TMEFF1: variants seen among roughly 807,000 people sequenced by gnomAD.
TMEFF1 encodes transmembrane protein with EGF like and two follistatin like domains 1.
Under a neutral mutation model 47.5 loss-of-function variants are expected in TMEFF1, and 20 were observed. The observed-to-expected ratio is 0.42, with a 90% CI of 0.30 to 0.61. The LOEUF (loss-of-function observed/expected upper bound fraction) is 0.61. TMEFF1 is among the 20% of genes least tolerant of loss of function. The probability of loss-of-function intolerance (pLI) is 0.19; values close to 1 mark genes in which losing one functional copy is unlikely to be tolerated. For synonymous variants in TMEFF1, 162 were observed against 166.3 expected, an observed-to-expected ratio of 0.97 and a Z score of 0.20; for missense variants, 411 against 471.1, an observed-to-expected ratio of 0.87 and a Z score of 1.18.
chr9:100,573,088 C>T (rs1008949663), intron 9 of TMEFF1, among the ~76,000 whole-genome samples: 1 of 151,562 alleles, frequency 6.6e-6, no homozygotes, highest in Non-Finnish European at 1.5e-5. Context: ...TCAAGTGGTC[C>T]TCCAGAGTAG....
chr9:100,493,078 C>G (rs951056843), intron 1 of TMEFF1, among the ~76,000 whole-genome samples: 7 of 151,908 alleles, frequency 4.6e-5, no homozygotes, highest in African/African-American at 1.7e-4. Context: ...CCCCCTTCCC[C>G]CCTCTCCCCC....
intron 8 of TMEFF1, among the ~76,000 whole-genome samples, chr9:100,569,558 TTTG>T (rs899566676): frequency 1.3e-5 from 2 of 152,148 alleles, no homozygotes; most frequent in Non-Finnish European, 2.9e-5. Context: ...ATTTATCTTT[TTTG>T]TTGTTGTTGT....
chr9:100,556,917 C>T (rs374843280), intron 7 of TMEFF1, among the ~76,000 whole-genome samples: 1 of 152,034 alleles, frequency 6.6e-6, no homozygotes, highest in East Asian at 1.9e-4. Context: ...GCGATCTCAG[C>T]TCACTGCAAC....
intron 9 of TMEFF1, 43 bp from the exon 10 acceptor site, chr9:100,576,473 A>G: frequency 1.2e-6 from 2 of 1,600,048 alleles, no homozygotes; most frequent in Non-Finnish European, 1.7e-6. Context: ...GAACAAAATC[A>G]TCAAAACAAT....
chr9:100,544,524 C>G (rs889850023), intron 5 of TMEFF1, among the ~76,000 whole-genome samples: 1 of 152,206 alleles, frequency 6.6e-6, no homozygotes, highest in Admixed American at 6.5e-5. Flanking sequence ...CCTCCCACGA[C>G]ACGTGGGAAT....
chr9:100,576,491 T>C (rs376423121), intron 9 of TMEFF1, 25 bp from the exon 10 acceptor site: 680 of 1,602,734 alleles, frequency 4.2e-4, no homozygotes, highest in Non-Finnish European at 5.5e-4. Context: ...AATATTTTTC[T>C]CTCTTTCTTT....
chr9:100,487,457 T>G (rs1403799448), intron 1 of TMEFF1, among the ~76,000 whole-genome samples: 1 of 152,176 alleles, frequency 6.6e-6, no homozygotes, highest in Non-Finnish European at 1.5e-5. Flanking sequence ...CTTAAGCCAC[T>G]GCGCCCAGCC....
chr9:100,576,784 T>C lies in TMEFF1; in HGVS notation c.*184T>C. The C allele has an allele frequency of 1.7e-6, 1 of 587,092 alleles. No individual in the cohort carries two copies. Among genetic ancestry groups the C allele is most frequent in the Non-Finnish European group, 2.7e-6 (1 of 376,324 alleles). 36.4% of individuals were successfully genotyped at this position (587,092 alleles called of 1,614,324 possible). A position where few individuals can be genotyped will look rare whatever the true frequency, so the allele number is the denominator to read the frequency against. On this transcript the variant is annotated 3_prime_UTR_variant, in exon 10 of 10. Coordinates refer to ENST00000374879, the MANE Select transcript of TMEFF1 (RefSeq NM_003692.5). Reference sequence around the variant, plus strand: ...TGTTTAGTAGTCTTTGTTTTATGTTTTTAAATACAGAAATTGCTTTCACAA... The same window carrying C: ...TGTTTAGTAGTCTTTGTTTTATGTTCTTAAATACAGAAATTGCTTTCACAA...
chr9:100,540,150 C>T (rs1838601787), intron 5 of TMEFF1, among the ~76,000 whole-genome samples: 1 of 152,110 alleles, frequency 6.6e-6, no homozygotes, highest in South Asian at 2.1e-4. Flanking sequence ...GGCACATTTA[C>T]AATCCTTTAG....
chr9:100,533,934 G>A (rs1838453556), intron 5 of TMEFF1, among the ~76,000 whole-genome samples: 1 of 152,074 alleles, frequency 6.6e-6, no homozygotes, highest in Non-Finnish European at 1.5e-5. Context: ...GGCCAGGATG[G>A]TCTTGATCTC....
chr9:100,474,890 C>A (rs2118214235), intron 1 of TMEFF1, among the ~76,000 whole-genome samples: 1 of 152,254 alleles, frequency 6.6e-6, no homozygotes, highest in Middle Eastern at 3.4e-3. Flanking sequence ...CTCTTCATTT[C>A]TAAAGGGGTC....
At chr9:100,511,503 A>G (rs567725680) in intron 3 of TMEFF1, among the ~76,000 whole-genome samples, 3 of 152,298 alleles carry the variant, frequency 2.0e-5, no homozygotes, top group Middle Eastern at 3.4e-3. Flanking sequence ...ATAAGCTGCT[A>G]TATTGATTTT....
At chr9:100,486,442 A>G (rs1341609627) in intron 1 of TMEFF1, among the ~76,000 whole-genome samples, 1 of 151,978 alleles carries the variant, frequency 6.6e-6, no homozygotes. Context: ...GGGTTTCACC[A>G]TATTGGCCAG....
intron 1 of TMEFF1, among the ~76,000 whole-genome samples, chr9:100,492,205 C>T (rs950238122): frequency 1.3e-5 from 2 of 152,162 alleles, no homozygotes; most frequent in African/African-American, 4.8e-5. Context: ...GAACAAACCA[C>T]TTGTATAATG....
At chr9:100,539,725 G>T (rs144074859) in intron 5 of TMEFF1, among the ~76,000 whole-genome samples, 1 of 152,168 alleles carries the variant, frequency 6.6e-6, no homozygotes, top group African/African-American at 2.4e-5. Flanking sequence ...GCGTGGAAGG[G>T]TACCTGAGCG....
intron 5 of TMEFF1, among the ~76,000 whole-genome samples, chr9:100,521,568 G>C (rs1448618404): frequency 1.3e-5 from 2 of 152,142 alleles, no homozygotes; most frequent in Admixed American, 1.3e-4. Flanking sequence ...TTTCTAAACA[G>C]TATTTCTAAT....
At chr9:100,526,584 T>G (rs941714860) in intron 5 of TMEFF1, among the ~76,000 whole-genome samples, 2 of 152,150 alleles carry the variant, frequency 1.3e-5, no homozygotes, top group Non-Finnish European at 1.5e-5. Flanking sequence ...CACTTTACTT[T>G]TATAAAGATT....
chr9:100,570,373 CT>C (rs905367811), intron 8 of TMEFF1, among the ~76,000 whole-genome samples: 10 of 151,992 alleles, frequency 6.6e-5, no homozygotes, highest in Non-Finnish European at 1.2e-4. Flanking sequence ...TCCATAATAA[CT>C]GTATCTTATG....
intron 7 of TMEFF1, among the ~76,000 whole-genome samples, chr9:100,555,306 TTAC>T (rs1838897300): frequency 6.6e-6 from 1 of 152,222 alleles, no homozygotes; most frequent in Non-Finnish European, 1.5e-5. Context: ...TGCTCAGTTC[TTAC>T]TGTGTGCAGG....
Sources: gnomAD v4.1 joint callset for allele counts (sites outside exome capture counted in the v4.1 genomes callset) on GRCh38, gnomAD v4.1.1 for gene constraint, MANE v1.5 for transcripts, NCBI Gene and HGNC (gene_info 2026-07-23, HGNC 2026-07-21) for gene names.